SPAG16: variants seen among roughly 807,000 people sequenced by gnomAD.
SPAG16 encodes the protein sperm associated antigen 16.
A neutral mutation model predicts 80.4 loss-of-function variants in SPAG16; 86 were observed. That is an observed-to-expected ratio of 1.07 (90% CI 0.90 to 1.28). SPAG16 has a LOEUF of 1.28. Among genes scored for constraint, SPAG16 ranks in the 50% most tolerant of loss-of-function variants. The probability of loss-of-function intolerance (pLI) is 0.00; values close to 1 mark genes in which losing one functional copy is unlikely to be tolerated. For synonymous variants in SPAG16, 294 were observed against 265.9 expected, an observed-to-expected ratio of 1.11 and a Z score of -1.03; for missense variants, 870 against 765.3, an observed-to-expected ratio of 1.14 and a Z score of -1.61.
chr2:213,782,630 C>CTTCA (rs2070069103), intron 10 of SPAG16, among the ~76,000 whole-genome samples: 1 of 152,106 alleles, frequency 6.6e-6, no homozygotes, highest in Non-Finnish European at 1.5e-5. Context: ...TTTTTGAAAG[C>CTTCA]TTCACAACAA....
intron 9 of SPAG16, among the ~76,000 whole-genome samples, chr2:213,479,623 C>G (rs2073643471): frequency 6.6e-6 from 1 of 152,114 alleles, no homozygotes; most frequent in Admixed American, 6.6e-5. Context: ...GGCTTACATT[C>G]CTACATCCTC....
intron 3 of SPAG16, among the ~76,000 whole-genome samples, chr2:213,307,342 C>A (rs1331677660): frequency 1.4e-5 from 2 of 138,422 alleles, no homozygotes; most frequent in African/African-American, 2.7e-5. Flanking sequence ...TCTCCCAATG[C>A]TATCCCTCCC....
At chr2:213,987,023 T>C (rs1312300313) in intron 12 of SPAG16, among the ~76,000 whole-genome samples, 2 of 151,976 alleles carry the variant, frequency 1.3e-5, no homozygotes, top group African/African-American at 4.8e-5. Flanking sequence ...GATCTTGAGA[T>C]CTGAGCAAAT....
At chr2:213,567,615 C>A (rs2059820588) in intron 10 of SPAG16, among the ~76,000 whole-genome samples, 1 of 64,870 alleles carries the variant, frequency 1.5e-5, no homozygotes, top group Non-Finnish European at 2.7e-5. Context: ...GCCACATTTT[C>A]TTAATCCAGT....
At chr2:213,387,429 CTCTTTTTTTTTTTTTT>C (rs1315827926) in intron 9 of SPAG16, among the ~76,000 whole-genome samples, 4 of 71,760 alleles carry the variant, frequency 5.6e-5, no homozygotes, top group African/African-American at 1.8e-4. Context: ...GAAATGCATG[CTCTTTTTTTTTTTTTT>C]TTTTTTTTTT....
chr2:213,721,705 T>C (rs2066542320), intron 10 of SPAG16, among the ~76,000 whole-genome samples: 2 of 152,224 alleles, frequency 1.3e-5, no homozygotes, highest in Admixed American at 6.5e-5. Context: ...AAAGTACATG[T>C]CAAATAGTAA....
rs563605562 is a variant in SPAG16 at position 213,287,786 on chromosome 2, T to C, written c.136+3167T>C. Among the ~76,000 whole-genome samples the C allele has an allele frequency of 2.1e-4, 32 of 152,330 alleles. No individual in the cohort carries two copies. In the South Asian group the frequency reaches 6.6e-3, roughly 32 times the overall value. ...TCTGAAACTCCAAAATTAAGGACTC[T>C]AGACCCTGAAATATGAGGATCACAC... On this transcript the variant is annotated intron_variant, in intron 1 of 15. Coordinates refer to ENST00000331683, the MANE Select transcript of SPAG16 (RefSeq NM_024532.5).
chr2:213,334,319 G>T (rs1318195854), intron 5 of SPAG16, among the ~76,000 whole-genome samples: 2 of 152,142 alleles, frequency 1.3e-5, no homozygotes, highest in East Asian at 3.8e-4. Context: ...TGCTGGCGAG[G>T]ATATGGAGAA....
At chr2:213,917,907 G>A (rs1282358358) in intron 11 of SPAG16, among the ~76,000 whole-genome samples, 1 of 152,086 alleles carries the variant, frequency 6.6e-6, no homozygotes, top group Non-Finnish European at 1.5e-5. Context: ...GTTGGTTGTG[G>A]GTTTGTCATA....
At chr2:213,518,732 G>T (rs955251961) in intron 10 of SPAG16, among the ~76,000 whole-genome samples, 4 of 152,108 alleles carry the variant, frequency 2.6e-5, no homozygotes, top group Non-Finnish European at 5.9e-5. Context: ...CCTGTTACTA[G>T]GTATATACTC....
rs35564156 is a variant in SPAG16 at position 214,037,864 on chromosome 2, G to GGTGTGTGTGT, written c.1527+23828_1527+23837dup. 4.3e-3 allele frequency among the ~76,000 whole-genome samples: 580 copies of GGTGTGTGTGT among 133,660 alleles called. 8 individuals are homozygous for GGTGTGTGTGT. The highest frequency in any genetic ancestry group is 0.013 in the East Asian group (54 of 4,288). 87.7% of individuals were successfully genotyped at this position (133,660 alleles called of 152,430 possible). A position where few individuals can be genotyped will look rare whatever the true frequency, so the allele number is the denominator to read the frequency against. ...GCTCTGTTATTATTCCCAGAAGCCT[G>GGTGTGTGTGT]GTGTGTGTGTGTGTGTGTGTGTGTG... On this transcript the variant is annotated intron_variant, in intron 13 of 15. Transcript: ENST00000331683.
chr2:214,073,391 C>A (rs1462067811), intron 13 of SPAG16, among the ~76,000 whole-genome samples: 1 of 152,022 alleles, frequency 6.6e-6, no homozygotes, highest in Non-Finnish European at 1.5e-5. Context: ...GCGCCCACCA[C>A]CATGCCAGCT....
intron 15 of SPAG16, among the ~76,000 whole-genome samples, chr2:214,160,729 C>A (rs1396786436): frequency 6.6e-6 from 1 of 151,994 alleles, no homozygotes; most frequent in Non-Finnish European, 1.5e-5. Flanking sequence ...TTTTGCTATG[C>A]ATTCCATTCA....
At chr2:213,614,883 T>C (rs1487524173) in intron 10 of SPAG16, among the ~76,000 whole-genome samples, 1 of 152,240 alleles carries the variant, frequency 6.6e-6, no homozygotes, top group Non-Finnish European at 1.5e-5. Context: ...GGAAGTTCCA[T>C]AACATTTTAC....
chr2:214,311,803 CT>C (rs1216627784), intron 15 of SPAG16: 1 of 152,140 alleles, frequency 6.6e-6, no homozygotes, highest in Non-Finnish European at 1.5e-5. Context: ...AAATGTTTCC[CT>C]TTAGTTAGTT....
intron 10 of SPAG16, among the ~76,000 whole-genome samples, chr2:213,593,162 A>G (rs2060766091): frequency 6.6e-6 from 1 of 152,170 alleles, no homozygotes; most frequent in Admixed American, 6.5e-5. Flanking sequence ...CTGCCTGAGA[A>G]GTAAGAAAAA....
chr2:213,655,776 A>C (rs2125163341), intron 10 of SPAG16, among the ~76,000 whole-genome samples: 1 of 152,368 alleles, frequency 6.6e-6, no homozygotes, highest in South Asian at 2.1e-4. Context: ...TTAATGATTA[A>C]AATTTTAAAT....
intron 11 of SPAG16, among the ~76,000 whole-genome samples, chr2:213,928,969 G>A (rs1259407925): frequency 7.5e-6 from 1 of 132,480 alleles, no homozygotes; most frequent in Non-Finnish European, 1.6e-5. Flanking sequence ...TTCTGTTGGT[G>A]TCATTGACAC....
chr2:214,032,389 G>C (rs2048459178), intron 13 of SPAG16, among the ~76,000 whole-genome samples: 1 of 152,200 alleles, frequency 6.6e-6, no homozygotes, highest in South Asian at 2.1e-4. Flanking sequence ...TGGTGAATCT[G>C]TTGCTGTTTC....
Sources: allele counts gnomAD v4.1 joint callset (sites outside exome capture counted in the v4.1 genomes callset), GRCh38; gene constraint gnomAD v4.1.1; transcripts MANE v1.5; gene names NCBI Gene and HGNC (gene_info 2026-07-23, HGNC 2026-07-21).